Variants in CCDC33 observed in about 807,000 individuals in gnomAD.
The protein encoded by CCDC33 is coiled-coil domain-containing protein 33.
In CCDC33, 94 loss-of-function variants were observed where a neutral mutation model predicts 91.9. That is an observed-to-expected ratio of 1.02 (90% CI 0.87 to 1.21). The LOEUF is 1.21. CCDC33 is among the 50% of genes most tolerant of loss of function. CCDC33 has a pLI of 0.00. For missense variants in CCDC33, 940 were observed against 935.5 expected, an observed-to-expected ratio of 1.00 and a Z score of -0.06; for synonymous variants, 396 against 374.5, an observed-to-expected ratio of 1.06 and a Z score of -0.66.
intron 1 of CCDC33, among the ~76,000 whole-genome samples, chr15:74,208,436 C>T (rs1476462005): frequency 4.6e-5 from 7 of 152,322 alleles, no homozygotes; most frequent in Admixed American, 2.0e-4. Flanking sequence ...GCCCTCCTTC[C>T]TCACTGAGGA....
chr15:74,249,919 C>T (rs2075652776), intron 2 of CCDC33, among the ~76,000 whole-genome samples: 1 of 152,182 alleles, frequency 6.6e-6, no homozygotes, highest in Admixed American at 6.5e-5. Flanking sequence ...ACCCCACTCT[C>T]CCACCTTCCC....
intron 11 of CCDC33, among the ~76,000 whole-genome samples, chr15:74,317,893 T>TG (rs1171759723): frequency 3.3e-5 from 1 of 29,926 alleles, no homozygotes; most frequent in African/African-American, 7.4e-5. Context: ...GTTTGTTTTT[T>TG]TTTTTTTTTT....
At chr15:74,326,516 G>A (rs1387697129) in intron 11 of CCDC33, among the ~76,000 whole-genome samples, 3 of 152,210 alleles carry the variant, frequency 2.0e-5, no homozygotes, top group Non-Finnish European at 4.4e-5. Context: ...CCCTTCCAGA[G>A]CCAAAGCGAA....
In CCDC33 at chr15:74,316,861, G is replaced by A. The variant is rs1011089049; in HGVS notation, c.1291-13328G>A. On this transcript the variant is annotated intron_variant, in intron 11 of 18. Coordinates refer to ENST00000398814, the MANE Select transcript of CCDC33 (RefSeq NM_025055.5). The surrounding 1 kb of genome is among the most constrained non-coding windows in gnomAD (Gnocchi z 4.7). ...CCAACAGCGTTATGAGATGGGCACA[G>A]TGATGCACTCCATTTTACAGAGGAG... Among the ~76,000 whole-genome samples, 3 of 152,208 alleles carry A rather than the reference G, an allele frequency of 2.0e-5. No individual in the cohort carries two copies. Among genetic ancestry groups the A allele is most frequent in the African/African-American group, 4.8e-5 (2 of 41,452 alleles).
At chr15:74,278,378 G>C (rs983429319) in intron 7 of CCDC33, among the ~76,000 whole-genome samples, 1 of 152,272 alleles carries the variant, frequency 6.6e-6, no homozygotes, top group Non-Finnish European at 1.5e-5. Flanking sequence ...GATTCCTGTG[G>C]GGGAGCAGGA....
intron 2 of CCDC33, among the ~76,000 whole-genome samples, chr15:74,220,923 T>G (rs79836596): frequency 0.053 from 8,087 of 152,214 alleles, 702 homozygotes; most frequent in African/African-American, 0.18. Flanking sequence ...GCAGGCACCT[T>G]TCTGGTGCTG....
upstream of CCDC33, among the ~76,000 whole-genome samples, chr15:74,234,451 C>A (rs1397593593): frequency 6.6e-6 from 1 of 152,030 alleles, no homozygotes; most frequent in Non-Finnish European, 1.5e-5. Context: ...AGCAGCTGGG[C>A]TCATGCTGCT....
chr15:74,228,433 C>T lies in CCDC33; in HGVS notation c.675+9572C>T, dbSNP rs111500161. On this transcript the variant is annotated intron_variant, in intron 2 of 2. Coordinates refer to the CCDC33 transcript ENST00000635913. ...ATGCTCACAAAACGCTGGCCATTCT[C>T]GTGACGCCGAGTGAATGGCAGCTTG... 1.9e-3 allele frequency among the ~76,000 whole-genome samples: 290 copies of T among 152,360 alleles called. 2 individuals are homozygous for T. The highest frequency in any genetic ancestry group is 6.6e-3 in the African/African-American group (276 of 41,594).
At chr15:74,276,492 C>A (rs1188345937) in intron 7 of CCDC33, among the ~76,000 whole-genome samples, 1 of 152,206 alleles carries the variant, frequency 6.6e-6, no homozygotes, top group Non-Finnish European at 1.5e-5. Flanking sequence ...GGCCTGTCCC[C>A]AAGCTCTCCT....
upstream of CCDC33, chr15:74,213,288 A>T (rs2074385681): frequency 6.6e-6 from 1 of 152,126 alleles, no homozygotes; most frequent in Non-Finnish European, 1.5e-5. Flanking sequence ...CATTCCAGAA[A>T]GTCCTGCCCC....
intron 8 of CCDC33, 43 bp from the exon 9 acceptor site, chr15:74,280,625 G>A (rs188599476): frequency 3.6e-4 from 510 of 1,435,466 alleles, no homozygotes; most frequent in Non-Finnish European, 4.6e-4. Flanking sequence ...TGGGGCCGAG[G>A]TGGGGGCTTT....
chr15:74,248,335 A>C (rs779388609), intron 2 of CCDC33, among the ~76,000 whole-genome samples: 7 of 143,834 alleles, frequency 4.9e-5, no homozygotes, highest in African/African-American at 1.8e-4. Context: ...ATTATATATA[A>C]GTTTACATTC....
Position 74,271,711 on chromosome 15 carries a change from C to G in CCDC33, c.555C>G (p.Leu185=). 1 of 1,613,448 alleles carries G rather than the reference C, an allele frequency of 6.2e-7. No individual in the cohort carries two copies. Among genetic ancestry groups the G allele is most frequent in the South Asian group, 1.1e-5 (1 of 91,058 alleles). Residue 185 remains leucine, a synonymous_variant, in exon 6 of 19, where the codon CTC becomes CTG. Coordinates refer to ENST00000398814, the MANE Select transcript of CCDC33 (RefSeq NM_025055.5). The part of the protein sequence containing the change: ...GCNHMALEIF[L]RGVNEPLANN... ...TCTCCTCTCCTCTCCAGATCTTTCTCCGGGGAGTCAACGAGCCCCTGGCCA... is the reference window on the plus strand; with the variant it reads ...TCTCCTCTCCTCTCCAGATCTTTCTGCGGGGAGTCAACGAGCCCCTGGCCA...
exon 1 of CCDC33, chr15:74,217,468 A>G: frequency 7.8e-7 from 1 of 1,289,764 alleles, no homozygotes; most frequent in Non-Finnish European, 1.0e-6. Context: ...TTGCAAGTGA[A>G]TGATGGGGAC....
Position 74,333,983 on chromosome 15 carries a change from G to C in CCDC33, c.2025+16G>C. On this transcript the variant is annotated intron_variant, in intron 17 of 18. Transcript: ENST00000398814. The stretch of plus-strand genomic sequence containing the variant: ...GGAAAGCCAGGTGGGTGAGATGCAG[G>C]AGTTGATGAGGCTGGATCAGGCTCA... 6.2e-7 allele frequency: 1 copy of C among 1,609,328 alleles called. No homozygotes were observed. Among genetic ancestry groups the C allele is most frequent in the Non-Finnish European group, 8.5e-7 (1 of 1,176,256 alleles).
At chr15:74,225,000 G>C (rs752631) in intron 2 of CCDC33, among the ~76,000 whole-genome samples, 10 of 152,130 alleles carry the variant, frequency 6.6e-5, no homozygotes, top group Admixed American at 6.5e-4. Context: ...AGTCTGGGAA[G>C]AGCCTCCATT....
At chr15:74,290,845 T>C (rs1377132164) in intron 10 of CCDC33, among the ~76,000 whole-genome samples, 2 of 152,108 alleles carry the variant, frequency 1.3e-5, no homozygotes, top group Non-Finnish European at 2.9e-5. Flanking sequence ...ATTTCATCTG[T>C]GTTGGAAAGG....
intron 2 of CCDC33, among the ~76,000 whole-genome samples, chr15:74,254,506 G>A (rs188605809): frequency 6.6e-6 from 1 of 152,170 alleles, no homozygotes. Context: ...TTTGCTGACT[G>A]GTCCCCCTCT....
At chr15:74,250,923 G>T (rs1187759234) in intron 2 of CCDC33, among the ~76,000 whole-genome samples, 1 of 152,212 alleles carries the variant, frequency 6.6e-6, no homozygotes, top group East Asian at 1.9e-4. Context: ...CTCTACAGGG[G>T]GAAGGGGGAG....
Sources: allele counts gnomAD v4.1 joint callset (sites outside exome capture counted in the v4.1 genomes callset), GRCh38; gene constraint gnomAD v4.1.1; non-coding constraint Gnocchi (gnomAD v3.1); transcripts MANE v1.5; gene names NCBI Gene and HGNC (gene_info 2026-07-23, HGNC 2026-07-21).